TMEM117: variants seen among roughly 807,000 people sequenced by gnomAD.
The protein encoded by TMEM117 is transmembrane protein 117.
TMEM117 carries 27 observed loss-of-function variants against 52.4 expected under a neutral mutation model. The ratio of observed to expected loss-of-function variants is 0.51; its 90% confidence interval spans 0.38 to 0.71. The LOEUF is 0.71. TMEM117 is among the 30% of genes least tolerant of loss of function. The pLI is 0.00. For synonymous variants in TMEM117, 215 were observed against 206.3 expected (o/e 1.04, Z -0.36); for missense variants, 556 against 630.5 (o/e 0.88, Z 1.26).
intron 5 of TMEM117, among the ~76,000 whole-genome samples, chr12:44,225,782 T>G (rs1308578652): frequency 6.6e-6 from 1 of 152,186 alleles, no homozygotes; most frequent in Non-Finnish European, 1.5e-5. Context: ...CATGATTTTC[T>G]GCACTATGGA....
chr12:44,106,120 C>G (rs1947949302), intron 3 of TMEM117, among the ~76,000 whole-genome samples: 1 of 151,968 alleles, frequency 6.6e-6, no homozygotes. Context: ...CTGTATTCAC[C>G]TGTCTGTCTT....
intron 6 of TMEM117, among the ~76,000 whole-genome samples, chr12:44,347,423 A>C (rs542742871): frequency 3.2e-4 from 48 of 152,210 alleles, no homozygotes; most frequent in African/African-American, 9.6e-4. Flanking sequence ...CAAAGGTATT[A>C]GTTTCTCTGA....
chr12:43,906,208 A>G (rs4768538), intron 2 of TMEM117, among the ~76,000 whole-genome samples: 109,079 of 152,162 alleles, frequency 0.72, 42,208 homozygotes, highest in East Asian at 0.87. Flanking sequence ...CATGCCTGAA[A>G]TTCCAGCACT....
At chr12:44,156,689 A>C (rs1948829895) in intron 4 of TMEM117, among the ~76,000 whole-genome samples, 2 of 152,130 alleles carry the variant, frequency 1.3e-5, no homozygotes, top group South Asian at 2.1e-4. Flanking sequence ...CATACTTATC[A>C]GATATTAAGG....
chr12:44,270,651 T>C (rs1469886527), intron 5 of TMEM117, among the ~76,000 whole-genome samples: 1 of 152,064 alleles, frequency 6.6e-6, no homozygotes, highest in Non-Finnish European at 1.5e-5. Flanking sequence ...CCAGTACTAT[T>C]TTGAATAGAA....
At chr12:43,989,842 T>G (rs1009340020) in intron 3 of TMEM117, among the ~76,000 whole-genome samples, 29 of 152,254 alleles carry the variant, frequency 1.9e-4, no homozygotes, top group African/African-American at 6.5e-4. Flanking sequence ...TTTAAGAACT[T>G]AGATCTTAAA....
At chr12:44,169,492 C>G (rs2138278490) in intron 4 of TMEM117, among the ~76,000 whole-genome samples, 1 of 152,114 alleles carries the variant, frequency 6.6e-6, no homozygotes. Context: ...ATCTGTTTAT[C>G]TTTTGGGTAT....
chr12:44,164,723 G>A (rs1230900732), intron 4 of TMEM117, among the ~76,000 whole-genome samples: 4 of 152,118 alleles, frequency 2.6e-5, no homozygotes, highest in Non-Finnish European at 5.9e-5. Context: ...GGGCAATTGA[G>A]GCAGAAGGTG....
At chr12:43,940,018 C>G (rs556666676) in intron 2 of TMEM117, among the ~76,000 whole-genome samples, 1 of 152,268 alleles carries the variant, frequency 6.6e-6, no homozygotes, top group Admixed American at 6.5e-5. Context: ...AGATTCGCCT[C>G]CATGATTCAG....
intron 2 of TMEM117, among the ~76,000 whole-genome samples, chr12:43,889,828 C>A (rs2137474233): frequency 6.6e-6 from 1 of 152,204 alleles, no homozygotes; most frequent in Admixed American, 6.5e-5. Context: ...GGGTAGCAGT[C>A]TCTGAGAAGG....
At chr12:43,958,587 G>A (rs909127157) in intron 3 of TMEM117, among the ~76,000 whole-genome samples, 2 of 152,152 alleles carry the variant, frequency 1.3e-5, no homozygotes, top group Admixed American at 6.5e-5. Flanking sequence ...GTTAGGTGGT[G>A]ACTGTAATGA....
At chr12:43,806,387 C>CTGAG in the TMEM117 span, 2 of 1,201,096 alleles carry the variant, frequency 1.7e-6, no homozygotes, top group Non-Finnish European at 2.1e-6. Context: ...GTGAGGTTGA[C>CTGAG]TGAGTGCCCG....
At chr12:43,846,617 T>TA (rs1254808395) in intron 2 of TMEM117, among the ~76,000 whole-genome samples, 1 of 152,202 alleles carries the variant, frequency 6.6e-6, no homozygotes, top group Non-Finnish European at 1.5e-5. Context: ...CATAAAAACT[T>TA]ACTTCCTACA....
At chr12:43,805,350 CA>C in the TMEM117 span, among the ~76,000 whole-genome samples, 3 of 152,120 alleles carry the variant, frequency 2.0e-5, no homozygotes, top group East Asian at 5.8e-4. Context: ...TGCGTGCGTG[CA>C]GGGGGATGTG....
At chr12:44,257,460 C>T (rs1950272775) in intron 5 of TMEM117, among the ~76,000 whole-genome samples, 1 of 152,140 alleles carries the variant, frequency 6.6e-6, no homozygotes, top group African/African-American at 2.4e-5. Flanking sequence ...AGAGGAAGGA[C>T]CTTGCCTGTC....
chr12:43,873,945 C>T (rs1943748827), intron 2 of TMEM117, among the ~76,000 whole-genome samples: 1 of 151,930 alleles, frequency 6.6e-6, no homozygotes, highest in Non-Finnish European at 1.5e-5. Context: ...TTATTAAAGC[C>T]AGTGAGTTAT....
intron 3 of TMEM117, among the ~76,000 whole-genome samples, chr12:43,995,979 C>T (rs1946023613): frequency 6.6e-6 from 1 of 152,018 alleles, no homozygotes; most frequent in Non-Finnish European, 1.5e-5. Flanking sequence ...GTCTCATTCC[C>T]CTGGATTTTA....
At chr12:43,942,009 A>G (rs960338316) in intron 2 of TMEM117, among the ~76,000 whole-genome samples, 1 of 152,254 alleles carries the variant, frequency 6.6e-6, no homozygotes, top group Non-Finnish European at 1.5e-5. Context: ...AGAAATTTAC[A>G]TTTAAATCTT....
chr12:44,088,580 A>G (rs942552022), intron 3 of TMEM117, among the ~76,000 whole-genome samples: 1 of 152,206 alleles, frequency 6.6e-6, no homozygotes, highest in African/African-American at 2.4e-5. Context: ...TGATGTCTCC[A>G]TTTAGATTAT....
Sources: gnomAD v4.1 joint callset for allele counts (sites outside exome capture counted in the v4.1 genomes callset) on GRCh38, gnomAD v4.1.1 for gene constraint, MANE v1.5 for transcripts, NCBI Gene and HGNC (gene_info 2026-07-23, HGNC 2026-07-21) for gene names.